NDE1: variants seen among roughly 807,000 people sequenced by gnomAD.
NDE1 encodes nuclear distribution protein nudE homolog 1.
In NDE1, 28 loss-of-function variants were observed where a neutral mutation model predicts 43.4. The observed-to-expected ratio is 0.65, with a 90% confidence interval of 0.48 to 0.89. The LOEUF (loss-of-function observed/expected upper bound fraction) is 0.89, where lower values mean the gene tolerates loss of function less well. Among genes scored for constraint, NDE1 ranks in the 40% least tolerant of loss-of-function variants. The pLI is 0.00. For missense variants in NDE1, 441 were observed against 434.1 expected (o/e 1.02, Z -0.14); for synonymous variants, 184 against 172.0 (o/e 1.07, Z -0.55).
chr16:15,659,748 CTTT>C (rs36112475), intron 1 of NDE1, among the ~76,000 whole-genome samples: 6 of 98,960 alleles, frequency 6.1e-5, no homozygotes, highest in Admixed American at 1.1e-4. Context: ...TGGACACAAT[CTTT>C]TTTTTTTTTT....
chr16:15,722,799 G>A (rs1212423305), intron 8 of NDE1, among the ~76,000 whole-genome samples: 3 of 152,186 alleles, frequency 2.0e-5, no homozygotes, highest in Non-Finnish European at 4.4e-5. Flanking sequence ...GGGGTGTAGT[G>A]GCGCAATCTT....
intron 8 of NDE1, chr16:15,704,026 C>G: frequency 6.2e-7 from 1 of 1,614,076 alleles, no homozygotes; most frequent in Non-Finnish European, 8.5e-7. Context: ...AAGTCTGCGT[C>G]TCGAGTGTCC....
chr16:15,655,731 A>G (rs539608502), intron 1 of NDE1, among the ~76,000 whole-genome samples: 4 of 152,198 alleles, frequency 2.6e-5, no homozygotes, highest in Admixed American at 6.5e-5. Flanking sequence ...AACCAACCCA[A>G]ATGTCCAGCA....
intron 1 of NDE1, among the ~76,000 whole-genome samples, chr16:15,661,187 C>T (rs1440018795): frequency 2.7e-5 from 4 of 148,236 alleles, no homozygotes; most frequent in East Asian, 2.0e-4. Flanking sequence ...CTCGCTCTGT[C>T]ACCCAGGCTG....
chr16:15,674,038 C>T (rs192151067), intron 3 of NDE1, among the ~76,000 whole-genome samples: 4 of 152,170 alleles, frequency 2.6e-5, no homozygotes, highest in Admixed American at 6.6e-5. Flanking sequence ...TGGAATTAAA[C>T]GAGACAACAT....
chr16:15,663,510 G>A (rs1466190857), intron 1 of NDE1, among the ~76,000 whole-genome samples: 1 of 151,966 alleles, frequency 6.6e-6, no homozygotes, highest in Non-Finnish European at 1.5e-5. Context: ...CCAGTGTGCT[G>A]GGATTACAGG....
intron 1 of NDE1, among the ~76,000 whole-genome samples, chr16:15,658,090 C>T (rs1183291711): frequency 6.6e-6 from 1 of 152,194 alleles, no homozygotes; most frequent in Non-Finnish European, 1.5e-5. Flanking sequence ...GGCTCTCCAT[C>T]CCTTGGCCCA....
At position 15,717,284 on chromosome 16, in the gene NDE1, C is replaced by T. The variant is rs759000207; in HGVS notation, c.948-6907C>T. ...CTTGTTCTGCCGCTCGAGCTGCTGCCGGGCACTCTCATTCTTCTGGGCCGT... is the reference window on the plus strand; with the variant it reads ...CTTGTTCTGCCGCTCGAGCTGCTGCTGGGCACTCTCATTCTTCTGGGCCGT... On this transcript the variant is annotated intron_variant, in intron 8 of 8. Transcript: ENST00000396354. 1.1e-5 allele frequency: 17 copies of T among 1,613,472 alleles called. No homozygotes were observed. Among genetic ancestry groups the T allele is most frequent in the Non-Finnish European group, 1.4e-5 (16 of 1,180,046 alleles).
chr16:15,643,486 A>G (rs1035186302), exon 1 of NDE1: 1 of 403,032 alleles, frequency 2.5e-6, no homozygotes, highest in South Asian at 1.8e-5. Context: ...CCTGCCAACC[A>G]GGATTTAATA....
At position 15,700,138 on chromosome 16, in the gene NDE1, C is replaced by A. The variant is rs368285236; in HGVS notation, c.947+3278C>A. 27 of 1,069,214 alleles carry A rather than the reference C, an allele frequency of 2.5e-5. No individual in the cohort carries two copies. The African/African-American group carries it at 4.2e-4, about 17-fold the overall frequency. 66.2% of individuals were successfully genotyped at this position (1,069,214 alleles called of 1,614,324 possible). On this transcript the variant is annotated intron_variant, in intron 8 of 8. Transcript: ENST00000396354. ...TTGAGATAGAGTCTTGCTCTGTCAC[C>A]CAGGCTGGAGTGTGGTGGCGTGATC...
intron 3 of NDE1, among the ~76,000 whole-genome samples, chr16:15,673,166 G>T (rs1443790015): frequency 6.6e-6 from 1 of 152,072 alleles, no homozygotes. Context: ...CTTGTGGGAA[G>T]TGTTTTCTCT....
intron 1 of NDE1, among the ~76,000 whole-genome samples, chr16:15,655,896 G>A (rs1434530099): frequency 2.0e-5 from 3 of 147,546 alleles, no homozygotes; most frequent in Non-Finnish European, 4.5e-5. Flanking sequence ...ACCAAACACC[G>A]CATATTCTCA....
At chr16:15,708,644 A>G (rs894371946) in intron 8 of NDE1, among the ~76,000 whole-genome samples, 4 of 152,198 alleles carry the variant, frequency 2.6e-5, no homozygotes, top group Non-Finnish European at 5.9e-5. Flanking sequence ...CTTGGTTTCA[A>G]TGAAAGCTTT....
intron 4 of NDE1, chr16:15,686,633 G>T: frequency 1.3e-6 from 1 of 745,200 alleles, no homozygotes; most frequent in East Asian, 1.3e-4. Context: ...AGCTGTGATT[G>T]TACCACTGCA....
At chr16:15,679,580 T>C (rs1019446900) in intron 4 of NDE1, among the ~76,000 whole-genome samples, 1 of 152,182 alleles carries the variant, frequency 6.6e-6, no homozygotes, top group African/African-American at 2.4e-5. Context: ...GTTTGTTCTT[T>C]TATAATTTCT....
At chr16:15,665,414 T>C (rs1249177281) in intron 2 of NDE1, among the ~76,000 whole-genome samples, 1 of 152,072 alleles carries the variant, frequency 6.6e-6, no homozygotes, top group Non-Finnish European at 1.5e-5. Context: ...TATCCTACTA[T>C]GCTACTTTAC....
intron 4 of NDE1, chr16:15,686,333 A>G (rs1596610869): frequency 1.0e-6 from 1 of 967,130 alleles, no homozygotes; most frequent in African/African-American, 1.8e-5. Context: ...CATGAGAGAA[A>G]ACTGAGGTGC....
At chr16:15,645,177 C>T (rs1002361180) in intron 1 of NDE1, among the ~76,000 whole-genome samples, 6 of 152,150 alleles carry the variant, frequency 3.9e-5, no homozygotes, top group Non-Finnish European at 7.4e-5. Flanking sequence ...GCCTCGGCCT[C>T]TTTAGGATTA....
intron 3 of NDE1, among the ~76,000 whole-genome samples, chr16:15,671,838 C>T (rs56179216): frequency 0.062 from 9,400 of 151,996 alleles, 996 homozygotes; most frequent in African/African-American, 0.21. Flanking sequence ...TTACAGGCAC[C>T]TGCCACACCA....
Sources: gnomAD v4.1 joint callset for allele counts (sites outside exome capture counted in the v4.1 genomes callset) on GRCh38, gnomAD v4.1.1 for gene constraint, MANE v1.5 for transcripts, NCBI Gene and HGNC (gene_info 2026-07-23, HGNC 2026-07-21) for gene names.